The following CSF2RA variants were observed in gnomAD, a reference collection of about 807,000 sequenced individuals.
The protein encoded by CSF2RA is granulocyte-macrophage colony-stimulating factor receptor subunit alpha.
Under a neutral mutation model 51.6 loss-of-function variants are expected in CSF2RA, and 42 were observed. The observed-to-expected ratio is 0.81, with a 90% CI of 0.64 to 1.05. The LOEUF (loss-of-function observed/expected upper bound fraction) is 1.05, where lower values mean the gene tolerates loss of function less well. Among genes scored for constraint, CSF2RA ranks in the 50% least tolerant of loss-of-function variants. The probability of loss-of-function intolerance (pLI) is 0.00; values close to 1 mark genes in which losing one functional copy is unlikely to be tolerated. For synonymous variants in CSF2RA, 222 were observed against 193.0 expected, an observed-to-expected ratio of 1.15 and a Z score of -1.24; for missense variants, 530 against 501.1, an observed-to-expected ratio of 1.06 and a Z score of -0.55.
chrX:1,300,383 GA>G (rs1423157489), intron 9 of CSF2RA, 107 bp from the exon 10 acceptor site: 3 of 1,370,950 alleles, frequency 2.2e-6, no homozygotes, highest in South Asian at 1.3e-5. Flanking sequence ...AGAAGAAAAA[GA>G]AAAAAAGAAA....
chrX:1,286,089 A>T (rs1183234725), intron 4 of CSF2RA, among the ~76,000 whole-genome samples, 169 bp downstream of exon 4: 1 of 152,014 alleles, frequency 6.6e-6, no homozygotes, highest in Non-Finnish European at 1.5e-5. Context: ...CCTGACCAAC[A>T]TGGTGAAACC....
At chrX:1,322,167 G>A in the CSF2RA span, among the ~76,000 whole-genome samples, 4 of 151,572 alleles carry the variant, frequency 2.6e-5, no homozygotes, top group East Asian at 1.9e-4. Context: ...GTGCAATGGC[G>A]CAATCTCTGG....
At chrX:1,288,258 G>A (rs2090995362) in intron 4 of CSF2RA, among the ~76,000 whole-genome samples, 1 of 149,238 alleles carries the variant, frequency 6.7e-6, no homozygotes, top group Non-Finnish European at 1.5e-5. Context: ...GAGGCGGGTG[G>A]ATCACCTGAG....
chrX:1,291,732 T>A (rs1371677837), intron 7 of CSF2RA, among the ~76,000 whole-genome samples: 1 of 151,980 alleles, frequency 6.6e-6, no homozygotes, highest in Non-Finnish European at 1.5e-5. Flanking sequence ...TTGGACCCAG[T>A]GTAGACAGGA....
chrX:1,286,306 C>T (rs1350873845), intron 4 of CSF2RA, among the ~76,000 whole-genome samples: 13 of 149,954 alleles, frequency 8.7e-5, no homozygotes, highest in East Asian at 4.0e-4. Flanking sequence ...TGGTGGCTCA[C>T]GCTTGTCATC....
rs1158255032 is a variant in CSF2RA, at chrX:1,274,825, G to T, written c.-27+7G>T. The stretch of plus-strand genomic sequence containing the variant: ...GATGTTTGCGTAGAACCCTGTACGT[G>T]CTTCCTTCGGCCTGTCGGTAATGTG... On this transcript the variant is annotated splice_region_variant and intron_variant, in intron 2 of 12. Transcript: ENST00000381529. 2.2e-6 allele frequency: 1 copy of T among 453,516 alleles called. No individual in the cohort carries two copies. The highest frequency in any genetic ancestry group is 2.4e-5 in the Admixed American group (1 of 42,442). 28.1% of individuals were successfully genotyped at this position (453,516 alleles called of 1,614,324 possible).
At chrX:1,306,874 A>G (rs2083625110) in intron 12 of CSF2RA, among the ~76,000 whole-genome samples, 1 of 150,924 alleles carries the variant, frequency 6.6e-6, no homozygotes, top group Non-Finnish European at 1.5e-5. Context: ...AGAGAGAGAG[A>G]GAGACAGAAA....
chrX:1,315,895 T>A, the CSF2RA span, among the ~76,000 whole-genome samples: 1 of 151,862 alleles, frequency 6.6e-6, no homozygotes, highest in South Asian at 2.1e-4. Flanking sequence ...AGACTCTAGA[T>A]GGATAATAGA....
chrX:1,316,000 A>C, the CSF2RA span, among the ~76,000 whole-genome samples: 3 of 121,730 alleles, frequency 2.5e-5, no homozygotes. Flanking sequence ...AGATGGATAG[A>C]CAGATAGATA....
At chrX:1,311,677 G>A (rs754706710), downstream of CSF2RA, among the ~76,000 whole-genome samples, 4 of 152,004 alleles carry the variant, frequency 2.6e-5, no homozygotes, top group South Asian at 2.1e-4. Flanking sequence ...ATCTGACCTC[G>A]TGATCCGCCC....
the CSF2RA span, among the ~76,000 whole-genome samples, chrX:1,321,809 A>T: frequency 7.9e-5 from 12 of 152,132 alleles, no homozygotes; most frequent in Non-Finnish European, 1.5e-4. Flanking sequence ...CACACTGCTT[A>T]TGATGCCTCT....
At chrX:1,275,088 CAAAAAAAA>C (rs59502193) in intron 2 of CSF2RA, among the ~76,000 whole-genome samples, 1 of 118,458 alleles carries the variant, frequency 8.4e-6, no homozygotes, top group Non-Finnish European at 1.7e-5. Flanking sequence ...ATGAACCTGT[CAAAAAAAA>C]AAAAAAAAAG....
At chrX:1,282,963 G>T (rs1381664291) in intron 3 of CSF2RA, among the ~76,000 whole-genome samples, 184 bp downstream of exon 3, 2 of 152,088 alleles carry the variant, frequency 1.3e-5, no homozygotes, top group African/African-American at 4.8e-5. Flanking sequence ...CTTTTCTGCT[G>T]TTAATTCCCA....
At chrX:1,277,644 C>T (rs2089359013) in intron 2 of CSF2RA, among the ~76,000 whole-genome samples, 1 of 141,774 alleles carries the variant, frequency 7.1e-6, no homozygotes, top group South Asian at 2.3e-4. Context: ...AGTGCAAAGC[C>T]AAAGCAAATT....
chrX:1,302,842 C>A, intron 10 of CSF2RA: 1 of 305,102 alleles, frequency 3.3e-6, no homozygotes, highest in Non-Finnish European at 5.8e-6. Context: ...TACAGACATG[C>A]ATCATGCTTG....
chrX:1,270,528 C>T (rs1603413423), intron 1 of CSF2RA, among the ~76,000 whole-genome samples: 1 of 152,132 alleles, frequency 6.6e-6, no homozygotes, highest in Non-Finnish European at 1.5e-5. Flanking sequence ...TGTGGGCCAC[C>T]GCGCCTGGCC....
intron 2 of CSF2RA, among the ~76,000 whole-genome samples, chrX:1,280,940 C>CCTCCTTCTCCTCCTCCTT (rs2089890446): frequency 8.3e-6 from 1 of 120,548 alleles, no homozygotes; most frequent in Non-Finnish European, 1.7e-5. Flanking sequence ...TCCTCCTCCT[C>CCTCCTTCTCCTCCTCCTT]CTCCTGCTTC....
intron 3 of CSF2RA, among the ~76,000 whole-genome samples, chrX:1,283,546 CT>C (rs1369189501): frequency 8.4e-6 from 1 of 119,364 alleles, no homozygotes; most frequent in Non-Finnish European, 1.7e-5. Flanking sequence ...CCTCTTTCTT[CT>C]TTCTTTCTTT....
chrX:1,316,609 G>A, the CSF2RA span, among the ~76,000 whole-genome samples: 116,214 of 152,064 alleles, frequency 0.76, 45,204 homozygotes, highest in African/African-American at 0.91. Flanking sequence ...GCTTGGCCCG[G>A]GAAGAGCCAT....
Sources: allele counts gnomAD v4.1 joint callset (sites outside exome capture counted in the v4.1 genomes callset), GRCh38; gene constraint gnomAD v4.1.1; transcripts MANE v1.5; gene names NCBI Gene and HGNC (gene_info 2026-07-23, HGNC 2026-07-21).